The following C7orf78 variants were observed in gnomAD, a reference collection of about 807,000 sequenced individuals.
C7orf78 encodes chromosome 7 open reading frame 78, also known as putative uncharacterized protein C7orf78.
chr7:12,506,235 G>A, the C7orf78 span, among the ~76,000 whole-genome samples: 293 of 152,270 alleles, frequency 1.9e-3, 1 homozygote, highest in African/African-American at 6.7e-3. Context: ...ACAGCGTGGC[G>A]ATTCCTCAAG....
chr7:12,507,793 T>G, the C7orf78 span, among the ~76,000 whole-genome samples: 1 of 152,328 alleles, frequency 6.6e-6, no homozygotes, highest in South Asian at 2.1e-4. Context: ...TTATGTGTAA[T>G]TGCTAGTAGA....
At chr7:12,487,821 C>T in the C7orf78 span, among the ~76,000 whole-genome samples, 1 of 151,992 alleles carries the variant, frequency 6.6e-6, no homozygotes, top group Non-Finnish European at 1.5e-5. Context: ...GCATGTAGAA[C>T]AAGTCAATGT....
chr7:12,522,727 T>C, the C7orf78 span, among the ~76,000 whole-genome samples: 2 of 152,194 alleles, frequency 1.3e-5, no homozygotes, highest in Non-Finnish European at 2.9e-5. Context: ...CTTAAGGACA[T>C]GGATTTTACA....
At chr7:12,501,901 A>G in the C7orf78 span, among the ~76,000 whole-genome samples, 1 of 42,416 alleles carries the variant, frequency 2.4e-5, no homozygotes, top group Non-Finnish European at 4.1e-5. Context: ...TCAATGGAAC[A>G]GAACAGAGCC....
the C7orf78 span, among the ~76,000 whole-genome samples, chr7:12,500,320 G>T: frequency 6.6e-6 from 1 of 151,180 alleles, no homozygotes; most frequent in Non-Finnish European, 1.5e-5. Flanking sequence ...CAACAAAATT[G>T]ATAGACCGCT....
the C7orf78 span, chr7:12,522,835 CCATA>C: frequency 1.3e-5 from 5 of 395,212 alleles, no homozygotes; most frequent in Admixed American, 1.3e-4. Context: ...TCCTTCTCCT[CCATA>C]CATATTCCCT....
the C7orf78 span, among the ~76,000 whole-genome samples, chr7:12,498,734 C>T: frequency 5.3e-5 from 8 of 149,904 alleles, no homozygotes; most frequent in South Asian, 6.4e-4. Flanking sequence ...ATACAGAGAA[C>T]GCCGCAAAGA....
the C7orf78 span, among the ~76,000 whole-genome samples, chr7:12,518,338 T>C: frequency 6.6e-6 from 1 of 152,146 alleles, no homozygotes; most frequent in African/African-American, 2.4e-5. Flanking sequence ...GAGCCAATTA[T>C]CAGGCCTCCA....
the C7orf78 span, among the ~76,000 whole-genome samples, chr7:12,528,629 G>A: frequency 2.0e-5 from 3 of 152,248 alleles, no homozygotes; most frequent in Non-Finnish European, 2.9e-5. Flanking sequence ...TTAAGGTAGA[G>A]TGCAAAATAT....
At chr7:12,498,300 C>A in the C7orf78 span, among the ~76,000 whole-genome samples, 1 of 151,794 alleles carries the variant, frequency 6.6e-6, no homozygotes, top group Non-Finnish European at 1.5e-5. Flanking sequence ...TACGGGTGGA[C>A]ATTCAAACCA....
the C7orf78 span, among the ~76,000 whole-genome samples, chr7:12,515,836 G>T: frequency 2.0e-5 from 3 of 152,090 alleles, no homozygotes; most frequent in East Asian, 3.9e-4. Context: ...GAAGATTTAG[G>T]GTATCTGGCA....
chr7:12,511,757 G>GT, the C7orf78 span, among the ~76,000 whole-genome samples: 1 of 151,012 alleles, frequency 6.6e-6, no homozygotes, highest in East Asian at 1.9e-4. Context: ...TTTGTTTTTT[G>GT]TTTTTTGTTT....
the C7orf78 span, among the ~76,000 whole-genome samples, chr7:12,540,568 T>C: frequency 2.6e-5 from 4 of 152,242 alleles, no homozygotes; most frequent in Non-Finnish European, 5.9e-5. Context: ...GGGAATTTAA[T>C]GTTAACATCA....
the C7orf78 span, among the ~76,000 whole-genome samples, chr7:12,513,003 G>C: frequency 2.2e-4 from 34 of 151,784 alleles, no homozygotes; most frequent in African/African-American, 7.7e-4. Flanking sequence ...TATTTCTCTG[G>C]CATCAGTTGT....
the C7orf78 span, among the ~76,000 whole-genome samples, chr7:12,488,662 C>T: frequency 1.3e-5 from 2 of 151,154 alleles, no homozygotes; most frequent in Admixed American, 1.3e-4. Context: ...TGGTTTGAAA[C>T]AGCTCAGCAA....
chr7:12,510,946 C>G, the C7orf78 span, among the ~76,000 whole-genome samples: 1 of 152,170 alleles, frequency 6.6e-6, no homozygotes, highest in African/African-American at 2.4e-5. Flanking sequence ...GAGGTTTTAG[C>G]CATAAAATCT....
chr7:12,526,194 A>C, the C7orf78 span, among the ~76,000 whole-genome samples: 1 of 152,088 alleles, frequency 6.6e-6, no homozygotes, highest in African/African-American at 2.4e-5. Flanking sequence ...TGCAACTTTG[A>C]ATCTTGGCTT....
chr7:12,493,445 C>T, the C7orf78 span, among the ~76,000 whole-genome samples: 3 of 152,200 alleles, frequency 2.0e-5, no homozygotes, highest in East Asian at 5.8e-4. Context: ...CATCAGAATC[C>T]CCTGGAAGGC....
chr7:12,504,937 A>C, the C7orf78 span, among the ~76,000 whole-genome samples: 2 of 151,996 alleles, frequency 1.3e-5, no homozygotes, highest in Non-Finnish European at 2.9e-5. Context: ...CTACCTCCCA[A>C]ATTTAATGTT....
Sources: allele counts gnomAD v4.1 joint callset (sites outside exome capture counted in the v4.1 genomes callset), GRCh38; gene constraint gnomAD v4.1.1; transcripts MANE v1.5; gene names NCBI Gene and HGNC (gene_info 2026-07-23, HGNC 2026-07-21).